Variants in SPTBN4 observed in about 807,000 individuals in gnomAD.
The protein encoded by SPTBN4 is spectrin beta chain, non-erythrocytic 4.
Under a neutral mutation model 277.8 loss-of-function variants are expected in SPTBN4, and 96 were observed. The ratio of observed to expected loss-of-function variants is 0.35; its 90% confidence interval spans 0.29 to 0.41. The LOEUF (loss-of-function observed/expected upper bound fraction) is 0.41, where lower values mean the gene tolerates loss of function less well. Among genes scored for constraint, SPTBN4 ranks in the 10% least tolerant of loss-of-function variants. The pLI is 1.00. For missense variants in SPTBN4, 3,006 were observed against 3,595.7 expected (o/e 0.84, Z 4.19); for synonymous variants, 1,481 against 1,580.3 (o/e 0.94, Z 1.49).
intron 2 of SPTBN4, among the ~76,000 whole-genome samples, chr19:40,476,491 C>A: frequency 6.6e-6 from 1 of 152,108 alleles, no homozygotes; most frequent in South Asian, 2.1e-4. Context: ...TACAGTCATA[C>A]TTTTAGAGCC....
At chr19:40,467,915 T>A (rs1173435846) in intron 1 of SPTBN4, among the ~76,000 whole-genome samples, 1 of 152,144 alleles carries the variant, frequency 6.6e-6, no homozygotes, top group Non-Finnish European at 1.5e-5. Flanking sequence ...CATTTCTGTC[T>A]GACTCCAGAA....
Position 40,519,516 on chromosome 19 carries a change from C to T in SPTBN4, c.3019C>T (p.Arg1007Trp), listed in dbSNP as rs748357168. 15 of 1,605,934 alleles carry T rather than the reference C, an allele frequency of 9.3e-6. No homozygotes were observed. The highest frequency in any genetic ancestry group is 1.2e-5 in the Non-Finnish European group (14 of 1,177,400). Residue 1007 changes from arginine to tryptophan, a missense_variant, in exon 16 of 36, where the codon CGG (arginine) becomes TGG (tryptophan). Physicochemically the swap from Arg to Trp is moderately radical, Grantham distance 101. Coordinates refer to ENST00000598249, the MANE Select transcript of SPTBN4 (RefSeq NM_020971.3). The surrounding 1 kb of genome is among the most constrained non-coding windows in gnomAD (Gnocchi z 5.7). The part of the protein sequence containing the change: ...AEVRAQVREK[R>W]RAVESAPRAG... ...GGTGCGCGCCCAGGTGCGTGAGAAG[C>T]GGAGAGCTGTGGAGAGCGCGCCCCG...
chr19:40,533,044 C>G (rs2080696020), intron 19 of SPTBN4, among the ~76,000 whole-genome samples: 1 of 152,150 alleles, frequency 6.6e-6, no homozygotes, highest in East Asian at 1.9e-4. Context: ...CTTAATATAA[C>G]CTCCTCTACC....
At chr19:40,482,029 C>T (rs1244070930) in intron 2 of SPTBN4, among the ~76,000 whole-genome samples, 1 of 151,870 alleles carries the variant, frequency 6.6e-6, no homozygotes, top group Admixed American at 6.6e-5. Context: ...CTCCGCCTCC[C>T]AAGTTCAAGC....
chr19:40,567,856 G>T lies in SPTBN4; in HGVS notation c.6530G>T (p.Gly2177Val). The stretch of plus-strand genomic sequence containing the variant: ...TCGGCCGAGGTGCGGACTCGGGTGG[G>T]GTATGTGCGCCAGGAGCTCAAGCCC... ...TLSAEVRTRV[G>V]YVRQELKPER... The change falls in exon 31 of 36, where the codon GGG becomes GTG. Residue 2177 changes from glycine to valine, a missense_variant. This residue lies in a region of SPTBN4 where 630 missense variants were observed against 677.6 expected (regional missense o/e 0.93). Coordinates refer to ENST00000598249, the MANE Select transcript of SPTBN4 (RefSeq NM_020971.3). 1.3e-6 allele frequency: 2 copies of T among 1,526,168 alleles called. No individual in the cohort carries two copies. Among genetic ancestry groups the T allele is most frequent in the African/African-American group, 1.4e-5 (1 of 69,652 alleles). 94.5% of individuals were successfully genotyped at this position (1,526,168 alleles called of 1,614,324 possible). A position where few individuals can be genotyped will look rare whatever the true frequency, so the allele number is the denominator to read the frequency against.
In SPTBN4 at chr19:40,568,343, C is replaced by T. The variant is rs1375275949; in HGVS notation, c.6956+61C>T. The T allele has an allele frequency of 9.4e-6, 14 of 1,486,076 alleles. No individual in the cohort carries two copies. In the South Asian group the frequency reaches 1.7e-4, roughly 18 times the overall value. The allele number at this position is 1,486,076 out of a possible 1,614,324, so 92.1% of individuals were successfully genotyped here. On this transcript the variant is annotated intron_variant, in intron 31 of 35. Transcript: ENST00000598249. ...AGGGGAAAGCGGAGAGCTCCTAGAA[C>T]CCCTCAGGCCCAGTGAAAGGGCTTC...
chr19:40,551,919 A>G, intron 22 of SPTBN4, among the ~76,000 whole-genome samples: 1 of 151,648 alleles, frequency 6.6e-6, no homozygotes, highest in African/African-American at 2.4e-5. Context: ...GCTTGAACCC[A>G]GGAGGCAGAG....
In SPTBN4 at chr19:40,504,141, G is replaced by T. The variant is rs565646625; in HGVS notation, c.1665+9G>T. ...GGATGGAGGAGATGCAGGTGCCGGC[G>T]GGGGGGCGGGGATGCGGGTGGAGTG... is the stretch of plus-strand genomic sequence containing the variant. On this transcript the variant is annotated intron_variant, in intron 12 of 35. Transcript: ENST00000598249. 2.4e-4 allele frequency: 306 copies of T among 1,280,142 alleles called. 10 individuals are homozygous for T. In the African/African-American group the frequency reaches 4.7e-3, roughly 20 times the overall value. The allele number at this position is 1,280,142 out of a possible 1,614,324, so 79.3% of individuals were successfully genotyped here. A position where few individuals can be genotyped will look rare whatever the true frequency, so the allele number is the denominator to read the frequency against.
At chr19:40,526,433 A>G (rs1350411922) in intron 17 of SPTBN4, among the ~76,000 whole-genome samples, 2 of 151,938 alleles carry the variant, frequency 1.3e-5, no homozygotes, top group African/African-American at 2.4e-5. Flanking sequence ...CGGCTCCCCA[A>G]AGTGCTGGGA....
chr19:40,513,489 G>A lies in SPTBN4; in HGVS notation c.2700G>A (p.Lys900=), dbSNP rs536335370. 26 of 1,600,996 alleles carry A rather than the reference G, an allele frequency of 1.6e-5. No homozygotes were observed. The highest frequency in any genetic ancestry group is 5.5e-5 in the South Asian group (5 of 90,492). ...VHACELWIGE[K]EQWLLSMRVP... ...CGTGTGAGCTGTGGATCGGCGAGAA[G>A]GAGCAATGGCTGCTCTCCATGCGTG... is the stretch of plus-strand genomic sequence containing the variant. Residue 900 remains lysine (K), a synonymous_variant, in exon 14 of 36, where the codon AAG becomes AAA. Transcript: ENST00000598249.
intron 20 of SPTBN4, among the ~76,000 whole-genome samples, chr19:40,545,070 T>C (rs1023127848): frequency 6.6e-6 from 1 of 151,772 alleles, no homozygotes; most frequent in Non-Finnish European, 1.5e-5. Flanking sequence ...TTCTTTTTTT[T>C]CTTAAAAAAA....
intron 15 of SPTBN4, among the ~76,000 whole-genome samples, chr19:40,516,549 C>T (rs1188813390): frequency 2.0e-5 from 3 of 152,092 alleles, no homozygotes; most frequent in South Asian, 2.1e-4. Context: ...CTCGGCTGGG[C>T]GTGGTAGCTC....
At position 40,557,082 on chromosome 19, in the gene SPTBN4, G is replaced by C. The variant is rs2080989097; in HGVS notation, c.5349G>C (p.Arg1783=). 1.3e-6 allele frequency: 2 copies of C among 1,587,680 alleles called. No individual in the cohort carries two copies. The highest frequency in any genetic ancestry group is 1.7e-6 in the Non-Finnish European group (2 of 1,161,670). The change falls in exon 26 of 36, where the codon CGG becomes CGC. Residue 1783 remains arginine (R), a synonymous_variant. Transcript: ENST00000598249. ...AGACAGGTATGGCAGGGCGGGAACG[G>C]CTGGCAGCTGTGAACCAGATGGTGG... ...ASETGMAGRE[R]LAAVNQMVDE...
chr19:40,560,033 C>T lies in SPTBN4; in HGVS notation c.5671-126C>T. On this transcript the variant is annotated intron_variant, in intron 26 of 35. Coordinates refer to ENST00000598249, the MANE Select transcript of SPTBN4 (RefSeq NM_020971.3). This position sits in a 1 kb window ranked among gnomAD's most constrained non-coding sequence, Gnocchi z 5.2. ...AATCAGGCAGCAGATATGACAGGAGCCTGGCTGTGGGATCACAGTGTGAGG... is the reference window on the plus strand; with the variant it reads ...AATCAGGCAGCAGATATGACAGGAGTCTGGCTGTGGGATCACAGTGTGAGG... 1 of 1,432,246 alleles carries T rather than the reference C, an allele frequency of 7.0e-7. No individual in the cohort carries two copies. The highest frequency in any genetic ancestry group is 9.1e-7 in the Non-Finnish European group (1 of 1,097,058). The allele number at this position is 1,432,246 out of a possible 1,614,324, so 88.7% of individuals were successfully genotyped here. A position where few individuals can be genotyped will look rare whatever the true frequency, so the allele number is the denominator to read the frequency against.
In SPTBN4 at chr19:40,554,997, T is replaced by C. The variant is rs1208811437; in HGVS notation, c.5084+351T>C. 2 of 245,964 alleles carry C rather than the reference T, an allele frequency of 8.1e-6. No individual in the cohort carries two copies. The highest frequency in any genetic ancestry group is 4.4e-5 in the South Asian group (1 of 22,478). The allele number at this position is 245,964 out of a possible 1,614,324, so 15.2% of individuals were successfully genotyped here. A position where few individuals can be genotyped will look rare whatever the true frequency, so the allele number is the denominator to read the frequency against. On this transcript the variant is annotated intron_variant, in intron 24 of 35. Transcript: ENST00000598249. The surrounding 1 kb of genome is among the most constrained non-coding windows in gnomAD (Gnocchi z 5.7). ...GAGGACAGAAAAGCCTGTGCTGAGA[T>C]TGGCTATGGCGGTGGGGCTGGAGAC...
chr19:40,502,208 C>A lies in SPTBN4; in HGVS notation c.978C>A (p.His326Gln). 6.2e-7 allele frequency: 1 copy of A among 1,614,076 alleles called. No individual in the cohort carries two copies. Among genetic ancestry groups the A allele is most frequent in the Non-Finnish European group, 8.5e-7 (1 of 1,180,032 alleles). The change falls in exon 9 of 36, where the codon CAC (histidine) becomes CAA (glutamine). Residue 326 changes from histidine (H) to glutamine (Q), a missense_variant. By Grantham distance (24) the His-to-Gln change is conservative. Around this residue, in one of 5 missense-constraint regions of SPTBN4, gnomAD observed 1,759 missense variants for 2,061.5 expected, o/e 0.85. Coordinates refer to ENST00000598249, the MANE Select transcript of SPTBN4 (RefSeq NM_020971.3). This position sits in a 1 kb window ranked among gnomAD's most constrained non-coding sequence, Gnocchi z 4.9. ...ELAAELLAWI[H>Q]RTVGLISNQK... ...CGGCTGAGCTGCTGGCCTGGATCCA[C>A]CGCACCGTGGGCCTCATCAGCAATC...
intron 35 of SPTBN4, among the ~76,000 whole-genome samples, chr19:40,574,119 CAAAA>C (rs2081179593): frequency 1.7e-5 from 1 of 59,686 alleles, no homozygotes; most frequent in South Asian, 4.3e-4. Flanking sequence ...AACAAACAAA[CAAAA>C]CAAAACAAAA....
At chr19:40,516,792 C>G (rs748900738) in intron 15 of SPTBN4, among the ~76,000 whole-genome samples, 22 of 152,158 alleles carry the variant, frequency 1.4e-4, no homozygotes, top group Non-Finnish European at 2.6e-4. Context: ...CCACTGCACT[C>G]CAGCCTAGGT....
chr19:40,473,951 C>T (rs1487992090), intron 2 of SPTBN4, among the ~76,000 whole-genome samples: 1 of 150,498 alleles, frequency 6.6e-6, no homozygotes, highest in Non-Finnish European at 1.5e-5. Flanking sequence ...AGACCATGTT[C>T]GCCAACATAG....
Sources: allele counts gnomAD v4.1 joint callset (sites outside exome capture counted in the v4.1 genomes callset), GRCh38; gene constraint gnomAD v4.1.1; regional missense constraint gnomAD v4.1.1; non-coding constraint Gnocchi (gnomAD v3.1); transcripts MANE v1.5; gene names NCBI Gene and HGNC (gene_info 2026-07-23, HGNC 2026-07-21).